Variants in L3MBTL4 observed in about 807,000 individuals in gnomAD.
L3MBTL4 encodes lethal(3)malignant brain tumor-like protein 4.
A neutral mutation model predicts 84.5 loss-of-function variants in L3MBTL4; 70 were observed. That is an observed-to-expected ratio of 0.83 (90% CI 0.68 to 1.01). The LOEUF (loss-of-function observed/expected upper bound fraction) is 1.01. Among genes scored for constraint, L3MBTL4 ranks in the 50% least tolerant of loss-of-function variants. L3MBTL4 has a pLI of 0.00. For synonymous variants in L3MBTL4, 274 were observed against 259.8 expected (o/e 1.05, Z -0.52); for missense variants, 715 against 754.8 (o/e 0.95, Z 0.62).
At chr18:6,142,848 G>A (rs1002304993) in intron 13 of L3MBTL4, among the ~76,000 whole-genome samples, 6 of 152,084 alleles carry the variant, frequency 3.9e-5, no homozygotes, top group Non-Finnish European at 7.4e-5. Flanking sequence ...CTTGAGCCCA[G>A]GAGTTCAACC....
chr18:6,335,409 A>G (rs2052281589), intron 1 of L3MBTL4, among the ~76,000 whole-genome samples: 1 of 152,128 alleles, frequency 6.6e-6, no homozygotes, highest in South Asian at 2.1e-4. Flanking sequence ...TCTTTTAGAG[A>G]TAAAAATAAT....
chr18:6,247,974 T>G (rs2047753969), intron 5 of L3MBTL4, among the ~76,000 whole-genome samples: 1 of 152,160 alleles, frequency 6.6e-6, no homozygotes. Flanking sequence ...TCAATCACAG[T>G]GTTGTCCAAT....
intron 12 of L3MBTL4, among the ~76,000 whole-genome samples, chr18:6,181,688 C>G (rs1469033872): frequency 1.3e-5 from 2 of 151,472 alleles, no homozygotes; most frequent in Non-Finnish European, 2.9e-5. Flanking sequence ...AAGTAGGCCC[C>G]AGCATCTCTT....
At chr18:6,077,382 T>C (rs533911745) in intron 16 of L3MBTL4, among the ~76,000 whole-genome samples, 8 of 152,220 alleles carry the variant, frequency 5.3e-5, no homozygotes, top group Non-Finnish European at 8.8e-5. Context: ...CTTATGTTTA[T>C]ATATTGTTGT....
At chr18:6,120,398 T>A (rs1039803977) in intron 14 of L3MBTL4, among the ~76,000 whole-genome samples, 3 of 152,170 alleles carry the variant, frequency 2.0e-5, no homozygotes, top group African/African-American at 7.2e-5. Flanking sequence ...ATCAGACTGT[T>A]GCCTGTGTTG....
chr18:6,313,857 A>G (rs2050955188), intron 1 of L3MBTL4, among the ~76,000 whole-genome samples: 2 of 152,230 alleles, frequency 1.3e-5, no homozygotes, highest in South Asian at 4.1e-4. Flanking sequence ...TACACTGAGG[A>G]GAAATTTCAA....
At chr18:6,024,059 T>A (rs1212497493) in intron 16 of L3MBTL4, among the ~76,000 whole-genome samples, 2 of 152,182 alleles carry the variant, frequency 1.3e-5, no homozygotes, top group African/African-American at 4.8e-5. Flanking sequence ...GTATTTTTAG[T>A]AGACACCGGG....
chr18:5,957,774 G>A (rs1378560318), intron 18 of L3MBTL4, among the ~76,000 whole-genome samples: 1 of 151,612 alleles, frequency 6.6e-6, no homozygotes, highest in Admixed American at 6.6e-5. Context: ...TGGCCAACAT[G>A]GTGAGACCCC....
chr18:6,209,175 G>A (rs1295144319), intron 12 of L3MBTL4, among the ~76,000 whole-genome samples: 2 of 152,076 alleles, frequency 1.3e-5, no homozygotes, highest in East Asian at 1.9e-4. Context: ...CAACTGCACA[G>A]CAAAAATAAC....
At chr18:6,220,445 G>T (rs77295810) in intron 10 of L3MBTL4, among the ~76,000 whole-genome samples, 10,168 of 151,994 alleles carry the variant, frequency 0.067, 1,148 homozygotes, top group African/African-American at 0.23. Context: ...CTCCAGACTT[G>T]TCACCTTATC....
chr18:6,251,963 C>T (rs146468830), intron 5 of L3MBTL4, among the ~76,000 whole-genome samples: 1 of 152,176 alleles, frequency 6.6e-6, no homozygotes, highest in Admixed American at 6.5e-5. Flanking sequence ...TACAAAAATA[C>T]TTTTAGATGG....
chr18:6,114,934 G>A (rs1179660925), intron 14 of L3MBTL4, among the ~76,000 whole-genome samples: 2 of 152,160 alleles, frequency 1.3e-5, no homozygotes, highest in African/African-American at 4.8e-5. Context: ...CACAGAGGAG[G>A]TCACACAGCG....
chr18:5,969,348 G>T, intron 17 of L3MBTL4, 45 bp downstream of exon 17: 4 of 1,607,070 alleles, frequency 2.5e-6, no homozygotes, highest in South Asian at 1.1e-5. Context: ...CTATTTCTCA[G>T]CAGCAGGCAC....
chr18:6,305,810 T>C (rs2050561225), intron 3 of L3MBTL4, among the ~76,000 whole-genome samples: 1 of 152,188 alleles, frequency 6.6e-6, no homozygotes, highest in Admixed American at 6.5e-5. Context: ...ATCACATGCT[T>C]TTACTACAAG....
intron 14 of L3MBTL4, among the ~76,000 whole-genome samples, chr18:6,133,635 A>AGGGC (rs1389178582): frequency 5.9e-5 from 9 of 152,190 alleles, no homozygotes; most frequent in African/African-American, 2.2e-4. Flanking sequence ...AGACATGAGC[A>AGGGC]GGGCGGGAAA....
chr18:6,083,363 G>A (rs186744418), intron 15 of L3MBTL4, among the ~76,000 whole-genome samples: 22 of 152,256 alleles, frequency 1.4e-4, no homozygotes, highest in Admixed American at 3.3e-4. Flanking sequence ...TAAGCTAATC[G>A]ACTTGTTTGG....
At chr18:6,143,152 C>T (rs111886185) in intron 13 of L3MBTL4, among the ~76,000 whole-genome samples, 2,879 of 152,210 alleles carry the variant, frequency 0.019, 104 homozygotes, top group African/African-American at 0.065. Flanking sequence ...TCAATGAATG[C>T]TACTTAATAT....
At chr18:6,363,597 A>G (rs527570644) in intron 1 of L3MBTL4, among the ~76,000 whole-genome samples, 23 of 152,346 alleles carry the variant, frequency 1.5e-4, no homozygotes, top group African/African-American at 5.5e-4. Flanking sequence ...CTCCTTGCCA[A>G]ACTTTCAAAT....
At chr18:6,104,200 A>G (rs2058924390) in intron 14 of L3MBTL4, among the ~76,000 whole-genome samples, 1 of 152,200 alleles carries the variant, frequency 6.6e-6, no homozygotes, top group African/African-American at 2.4e-5. Context: ...AAAATTACAT[A>G]TGATCCAGCA....
Sources: allele counts gnomAD v4.1 joint callset (sites outside exome capture counted in the v4.1 genomes callset), GRCh38; gene constraint gnomAD v4.1.1; transcripts MANE v1.5; gene names NCBI Gene and HGNC (gene_info 2026-07-23, HGNC 2026-07-21).